The following RALGAPA1 variants were observed in gnomAD, a reference collection of about 807,000 sequenced individuals.
RALGAPA1 encodes the protein ral GTPase-activating protein subunit alpha-1.
Under a neutral mutation model 269.6 loss-of-function variants are expected in RALGAPA1, and 52 were observed. The observed-to-expected ratio is 0.19, with a 90% CI of 0.15 to 0.24. The LOEUF is 0.24. Among genes scored for constraint, RALGAPA1 ranks in the 10% least tolerant of loss-of-function variants. The pLI is 1.00. For missense variants in RALGAPA1, 1,917 were observed against 3,013.9 expected (o/e 0.64, Z 8.52); for synonymous variants, 817 against 1,008.3 (o/e 0.81, Z 3.60).
intron 26 of RALGAPA1, among the ~76,000 whole-genome samples, chr14:35,668,393 G>C (rs537167870): frequency 2.6e-5 from 4 of 151,840 alleles, no homozygotes; most frequent in African/African-American, 9.7e-5. Flanking sequence ...TGAGGCAAAA[G>C]AATCACTTGA....
intron 37 of RALGAPA1, among the ~76,000 whole-genome samples, chr14:35,590,231 C>T (rs1341776318): frequency 2.0e-5 from 3 of 152,178 alleles, no homozygotes; most frequent in Non-Finnish European, 4.4e-5. Context: ...CTTTCATAGA[C>T]TTATTAATTA....
chr14:35,686,727 G>A, intron 18 of RALGAPA1, 61 bp from the exon 19 acceptor site: 1 of 986,604 alleles, frequency 1.0e-6, no homozygotes, highest in East Asian at 2.9e-5. Context: ...TTCTAACTTT[G>A]AAACAAACAA....
rs1333449998 is a variant in RALGAPA1 at position 35,678,094 on chromosome 14, T to G, written c.4480A>C (p.Ser1494Arg). 1 of 1,601,124 alleles carries G rather than the reference T, an allele frequency of 6.2e-7. No individual in the cohort carries two copies. Among genetic ancestry groups the G allele is most frequent in the South Asian group, 1.1e-5 (1 of 88,134 alleles). ...AEVATITGSESASPVHSPLGS... is the reference protein window; with the variant it reads ...AEVATITGSERASPVHSPLGS... ...AGAGGTGAGTGGACTGGGGAAGCAC[T>G]TTCTGAACCTGTAAATATAATTTCA... is the stretch of plus-strand genomic sequence containing the variant. Residue 1494 changes from serine (S) to arginine (R), a missense_variant, in exon 22 of 42, where the codon AGT becomes CGT. Ser to Arg is a moderately radical substitution (Grantham distance 110). Coordinates refer to ENST00000680220, the MANE Select transcript of RALGAPA1 (RefSeq NM_001346249.2).
At chr14:35,720,884 G>A (rs2069349156) in intron 16 of RALGAPA1, among the ~76,000 whole-genome samples, 1 of 152,134 alleles carries the variant, frequency 6.6e-6, no homozygotes, top group South Asian at 2.1e-4. Flanking sequence ...AGTGAGCTAT[G>A]ATCCAACAAA....
chr14:35,605,161 G>T (rs1280615805), intron 36 of RALGAPA1, among the ~76,000 whole-genome samples: 4 of 152,120 alleles, frequency 2.6e-5, no homozygotes, highest in Middle Eastern at 6.3e-3. Flanking sequence ...CAAAGTAAAT[G>T]AGAGACAAGA....
At position 35,619,321 on chromosome 14, in the gene RALGAPA1, A is replaced by C. The variant is rs903777453; in HGVS notation, c.6929+6040T>G. Among the ~76,000 whole-genome samples the C allele has an allele frequency of 1.1e-4, 17 of 152,326 alleles. No homozygotes were observed. In the East Asian group the frequency reaches 2.9e-3, roughly 26 times the overall value. On this transcript the variant is annotated intron_variant, in intron 35 of 41. Transcript: ENST00000680220. ...ATTACACACTGCATGTCTGTATCAA[A>C]ACATCTTATGTACCCCATTAAATAT... is the stretch of plus-strand genomic sequence containing the variant.
intron 1 of RALGAPA1, among the ~76,000 whole-genome samples, chr14:35,787,196 G>C (rs960494407): frequency 1.3e-5 from 2 of 152,100 alleles, no homozygotes; most frequent in Non-Finnish European, 2.9e-5. Flanking sequence ...TTATTCAAAT[G>C]GTTCTCACAC....
At position 35,672,850 on chromosome 14, in the gene RALGAPA1, C is replaced by CAT. The variant is rs761783785; in HGVS notation, c.5073+15_5073+16dup. Reference sequence around the variant, plus strand: ...GATATAAACTACTTCTTAGATGATACATATATATATAGTTACCTGGTCAAT... The same window carrying CAT: ...GATATAAACTACTTCTTAGATGATACATATATATATATAGTTACCTGGTCAAT... On this transcript the variant is annotated intron_variant, in intron 25 of 41. Coordinates refer to ENST00000680220, the MANE Select transcript of RALGAPA1 (RefSeq NM_001346249.2). The CAT allele has an allele frequency of 7.4e-5, 110 of 1,485,264 alleles. No individual in the cohort carries two copies. The highest frequency in any genetic ancestry group is 1.3e-4 in the South Asian group (10 of 74,848). 92.0% of individuals were successfully genotyped at this position (1,485,264 alleles called of 1,614,324 possible).
intron 26 of RALGAPA1, among the ~76,000 whole-genome samples, chr14:35,666,130 C>T (rs543367149): frequency 6.6e-6 from 1 of 152,034 alleles, no homozygotes; most frequent in East Asian, 1.9e-4. Flanking sequence ...ATCCTCCCAT[C>T]TCTCCCATCT....
chr14:35,709,386 A>G (rs2068092303), intron 16 of RALGAPA1, among the ~76,000 whole-genome samples: 1 of 152,070 alleles, frequency 6.6e-6, no homozygotes, highest in Admixed American at 6.6e-5. Context: ...AATAAAAGAA[A>G]TAATAAAAGG....
chr14:35,799,680 A>C (rs968571715), intron 1 of RALGAPA1, among the ~76,000 whole-genome samples: 2 of 152,184 alleles, frequency 1.3e-5, no homozygotes, highest in African/African-American at 2.4e-5. Context: ...AGGGAGAAAA[A>C]AGGGTACTAA....
rs757524588 is a variant in RALGAPA1, at chr14:35,748,567, T to C, written c.1251+18A>G. ...AAAAGCCTTCCTTATAAATTAAAAA[T>C]ACTGAGAGGTATGTTACCTGACGAA... On this transcript the variant is annotated intron_variant, in intron 10 of 41. Transcript: ENST00000680220. The C allele has an allele frequency of 1.3e-6, 2 of 1,584,656 alleles. No individual in the cohort carries two copies. Among genetic ancestry groups the C allele is most frequent in the East Asian group, 2.3e-5 (1 of 44,380 alleles).
At chr14:35,592,800 T>C (rs2058716873) in intron 37 of RALGAPA1, among the ~76,000 whole-genome samples, 1 of 152,212 alleles carries the variant, frequency 6.6e-6, no homozygotes, top group Admixed American at 6.5e-5. Context: ...CTAAGTCCAA[T>C]ATCATTTATT....
intron 4 of RALGAPA1, chr14:35,766,107 G>GAT: frequency 9.4e-7 from 1 of 1,060,666 alleles, no homozygotes; most frequent in East Asian, 2.4e-5. Flanking sequence ...TTTAGGATCA[G>GAT]ATACTGGAGG....
chr14:35,588,125 T>C (rs1053712924), intron 37 of RALGAPA1, among the ~76,000 whole-genome samples: 12 of 152,172 alleles, frequency 7.9e-5, no homozygotes, highest in Non-Finnish European at 1.3e-4. Flanking sequence ...CAGGATGCTC[T>C]CAATTTCTTG....
At chr14:35,687,583 T>C (rs953161452) in intron 18 of RALGAPA1, among the ~76,000 whole-genome samples, 5 of 152,210 alleles carry the variant, frequency 3.3e-5, no homozygotes, top group Admixed American at 1.3e-4. Context: ...AACAAAACCA[T>C]GTTAAAACAA....
intron 3 of RALGAPA1, 100 bp from the exon 4 acceptor site, chr14:35,771,099 C>A: frequency 2.0e-6 from 1 of 496,082 alleles, no homozygotes; most frequent in Non-Finnish European, 3.6e-6. Flanking sequence ...CTAAGTATAA[C>A]AAATACAAAA....
chr14:35,697,547 C>A (rs1284072020), intron 17 of RALGAPA1, among the ~76,000 whole-genome samples: 1 of 151,922 alleles, frequency 6.6e-6, no homozygotes, highest in Non-Finnish European at 1.5e-5. Context: ...GGGGTTTCAT[C>A]GCGTTAGCCA....
chr14:35,591,130 T>C (rs975747236), intron 37 of RALGAPA1, among the ~76,000 whole-genome samples: 2 of 152,160 alleles, frequency 1.3e-5, no homozygotes, highest in African/African-American at 4.8e-5. Flanking sequence ...TACAGCAAAA[T>C]GGTGGTGTAA....
Sources: allele counts gnomAD v4.1 joint callset (sites outside exome capture counted in the v4.1 genomes callset), GRCh38; gene constraint gnomAD v4.1.1; transcripts MANE v1.5; gene names NCBI Gene and HGNC (gene_info 2026-07-23, HGNC 2026-07-21).